Variants in SGCD observed in about 807,000 individuals in gnomAD.
SGCD encodes sarcoglycan delta.
Under a neutral mutation model 36.6 loss-of-function variants are expected in SGCD, and 18 were observed. The ratio of observed to expected loss-of-function variants is 0.49; its 90% CI spans 0.34 to 0.73. The LOEUF (loss-of-function observed/expected upper bound fraction) is 0.73. Ranked by LOEUF, SGCD falls within the 30% of genes least tolerant of loss-of-function variation. The pLI, the probability that SGCD is intolerant of heterozygous loss-of-function variation, is 0.01. For synonymous variants in SGCD, 133 were observed against 130.6 expected, an observed-to-expected ratio of 1.02 and a Z score of -0.12; for missense variants, 387 against 346.7, an observed-to-expected ratio of 1.12 and a Z score of -0.92.
At chr5:156,070,844 C>T (rs1760528781) in intron 1 of SGCD, among the ~76,000 whole-genome samples, 1 of 152,108 alleles carries the variant, frequency 6.6e-6, no homozygotes, top group African/African-American at 2.4e-5. Context: ...TCAACTTCTT[C>T]CTGGTTTAGT....
At chr5:156,702,475 G>C (rs922686767) in intron 7 of SGCD, among the ~76,000 whole-genome samples, 1 of 151,936 alleles carries the variant, frequency 6.6e-6, no homozygotes. Context: ...ACATACTCAG[G>C]GCGGGGAAGC....
intron 3 of SGCD, among the ~76,000 whole-genome samples, chr5:156,164,042 G>T (rs996381879): frequency 2.1e-5 from 3 of 142,182 alleles, no homozygotes; most frequent in Non-Finnish European, 3.1e-5. Context: ...AAAAAAAAAA[G>T]AAATCATTTT....
chr5:156,104,451 G>C (rs539999595), intron 1 of SGCD, among the ~76,000 whole-genome samples: 1 of 152,282 alleles, frequency 6.6e-6, no homozygotes, highest in Admixed American at 6.5e-5. Flanking sequence ...GGACCTGCCT[G>C]ATATTGAATC....
chr5:156,046,668 C>T (rs561566969), intron 1 of SGCD, among the ~76,000 whole-genome samples: 1 of 152,100 alleles, frequency 6.6e-6, no homozygotes, highest in African/African-American at 2.4e-5. Context: ...CGAGAAATGT[C>T]GTGTGCATTC....
At chr5:156,616,197 A>G (rs280461) in intron 6 of SGCD, among the ~76,000 whole-genome samples, 48,344 of 152,064 alleles carry the variant, frequency 0.32, 8,585 homozygotes, top group African/African-American at 0.49. Flanking sequence ...AGTGGTTATC[A>G]TCCTAATATA....
chr5:155,920,855 A>T (rs1756861699), intron 1 of SGCD, among the ~76,000 whole-genome samples: 1 of 152,060 alleles, frequency 6.6e-6, no homozygotes, highest in Non-Finnish European at 1.5e-5. Context: ...GTCAGCCTCA[A>T]ATAAGGAATC....
chr5:156,217,003 G>A (rs1186572832), intron 3 of SGCD, among the ~76,000 whole-genome samples: 1 of 152,146 alleles, frequency 6.6e-6, no homozygotes, highest in Non-Finnish European at 1.5e-5. Flanking sequence ...ACTTGAACCT[G>A]GGAGGCGGAG....
At chr5:155,823,465 C>T in the SGCD span, among the ~76,000 whole-genome samples, 4 of 152,022 alleles carry the variant, frequency 2.6e-5, no homozygotes, top group Non-Finnish European at 5.9e-5. Flanking sequence ...CATAGGAAAA[C>T]ACCCTTAAGT....
chr5:156,610,984 G>A (rs564467036), intron 6 of SGCD, among the ~76,000 whole-genome samples: 57 of 152,338 alleles, frequency 3.7e-4, no homozygotes, highest in African/African-American at 1.1e-3. Flanking sequence ...GACCCCTTGC[G>A]CTTCCCAGGT....
chr5:155,771,478 C>CAGTG, the SGCD span, among the ~76,000 whole-genome samples: 1 of 151,308 alleles, frequency 6.6e-6, no homozygotes, highest in Non-Finnish European at 1.5e-5. Flanking sequence ...GGCTAGAGGG[C>CAGTG]AGTGGCGTGA....
intron 1 of SGCD, among the ~76,000 whole-genome samples, chr5:155,957,658 C>A (rs1178168323): frequency 6.6e-6 from 1 of 152,076 alleles, no homozygotes; most frequent in East Asian, 1.9e-4. Flanking sequence ...TCACTCTGAC[C>A]TGACCCTTCT....
intron 7 of SGCD, among the ~76,000 whole-genome samples, chr5:156,746,495 T>C (rs1277657384): frequency 6.6e-6 from 1 of 152,168 alleles, no homozygotes; most frequent in Non-Finnish European, 1.5e-5. Flanking sequence ...GATTAAAGAA[T>C]ACAGAACTAA....
chr5:156,024,665 T>C (rs1280256966), intron 1 of SGCD, among the ~76,000 whole-genome samples: 2 of 152,188 alleles, frequency 1.3e-5, no homozygotes, highest in Non-Finnish European at 2.9e-5. Flanking sequence ...TTCTGTGATA[T>C]TTATTTTTTA....
intron 1 of SGCD, among the ~76,000 whole-genome samples, chr5:155,940,706 G>A (rs1301513486): frequency 1.3e-5 from 2 of 152,064 alleles, no homozygotes; most frequent in East Asian, 1.9e-4. Flanking sequence ...TTAGCCAGGT[G>A]TGGTGGCACA....
chr5:155,757,931 C>CA, the SGCD span, among the ~76,000 whole-genome samples: 1 of 151,976 alleles, frequency 6.6e-6, no homozygotes, highest in Non-Finnish European at 1.5e-5. Context: ...GGGGAGTTTC[C>CA]CTGCACAAGC....
At chr5:156,007,645 G>A (rs1020531545) in intron 1 of SGCD, among the ~76,000 whole-genome samples, 2 of 152,176 alleles carry the variant, frequency 1.3e-5, no homozygotes, top group Non-Finnish European at 2.9e-5. Context: ...GGGCTCTGGG[G>A]GTAGTAGACA....
At chr5:156,451,626 G>A (rs1754022122) in intron 3 of SGCD, among the ~76,000 whole-genome samples, 2 of 152,152 alleles carry the variant, frequency 1.3e-5, no homozygotes, top group African/African-American at 4.8e-5. Flanking sequence ...GCCTGGAGAA[G>A]TTTTGATAAC....
chr5:155,966,237 A>G (rs1413768579), intron 1 of SGCD, among the ~76,000 whole-genome samples: 1 of 152,126 alleles, frequency 6.6e-6, no homozygotes, highest in Non-Finnish European at 1.5e-5. Context: ...TGACTTCAGC[A>G]TTCTGAATGT....
intron 3 of SGCD, among the ~76,000 whole-genome samples, chr5:156,452,211 C>T (rs1413545497): frequency 6.6e-6 from 1 of 152,180 alleles, no homozygotes; most frequent in East Asian, 1.9e-4. Context: ...CTTCCAATCA[C>T]TGCTTATTCT....
Sources: allele counts gnomAD v4.1 joint callset (sites outside exome capture counted in the v4.1 genomes callset), GRCh38; gene constraint gnomAD v4.1.1; transcripts MANE v1.5; gene names NCBI Gene and HGNC (gene_info 2026-07-23, HGNC 2026-07-21).